PDLIM5: variants seen among roughly 807,000 people sequenced by gnomAD.
The protein encoded by PDLIM5 is PDZ and LIM domain 5.
Under a neutral mutation model 64.2 loss-of-function variants are expected in PDLIM5, and 34 were observed. The ratio of observed to expected loss-of-function variants is 0.53; its 90% CI spans 0.40 to 0.71. The LOEUF (loss-of-function observed/expected upper bound fraction) is 0.71. Ranked by LOEUF, PDLIM5 falls within the 30% of genes least tolerant of loss-of-function variation. PDLIM5 has a pLI of 0.00. For synonymous variants in PDLIM5, 253 were observed against 269.1 expected, an observed-to-expected ratio of 0.94 and a Z score of 0.59; for missense variants, 683 against 733.6, an observed-to-expected ratio of 0.93 and a Z score of 0.80.
In PDLIM5 at chr4:94,665,951, G is replaced by A. The variant is rs1045426214; in HGVS notation, c.*1884G>A. The A allele has an allele frequency of 6.6e-7, 1 of 1,523,674 alleles. No individual in the cohort carries two copies. The highest frequency in any genetic ancestry group is 8.8e-7 in the Non-Finnish European group (1 of 1,140,980). 94.4% of individuals were successfully genotyped at this position (1,523,674 alleles called of 1,614,324 possible). ...ACAGGGAAACAATTGTGGTAAAACT[G>A]TGGATCCTGTTGCTATTTGCCCAGT... On this transcript the variant is annotated 3_prime_UTR_variant, in exon 13 of 13. Transcript: ENST00000317968.
At chr4:94,609,382 C>G (rs1738181338) in intron 7 of PDLIM5, among the ~76,000 whole-genome samples, 1 of 152,072 alleles carries the variant, frequency 6.6e-6, no homozygotes, top group Non-Finnish European at 1.5e-5. Context: ...CATTCCTGTC[C>G]AGGCATTTGA....
chr4:94,617,010 C>G (rs1374659941), intron 7 of PDLIM5, among the ~76,000 whole-genome samples: 3 of 152,206 alleles, frequency 2.0e-5, no homozygotes, highest in Non-Finnish European at 4.4e-5. Flanking sequence ...TCTCGAACTC[C>G]TGACCTCAGG....
chr4:94,657,356 G>T, intron 10 of PDLIM5, 71 bp from the exon 11 acceptor site: 1 of 1,110,228 alleles, frequency 9.0e-7, no homozygotes, highest in East Asian at 2.4e-5. Context: ...TACTGGTACA[G>T]ATATTAGAAT....
At chr4:94,652,616 G>T (rs1323459449) in intron 9 of PDLIM5, among the ~76,000 whole-genome samples, 2 of 152,112 alleles carry the variant, frequency 1.3e-5, no homozygotes, top group East Asian at 3.9e-4. Flanking sequence ...CTTACCAAAA[G>T]TAATATATTC....
intron 11 of PDLIM5, among the ~76,000 whole-genome samples, chr4:94,657,916 G>A (rs1442143195): frequency 6.6e-6 from 1 of 152,128 alleles, no homozygotes; most frequent in African/African-American, 2.4e-5. Flanking sequence ...ATGTTGGCCC[G>A]GCTGGTCTCG....
In PDLIM5 at chr4:94,467,776, C is replaced by T. The variant is rs1724504972; in HGVS notation, c.96+12392C>T. Among the ~76,000 whole-genome samples, 7 of 152,116 alleles carry T rather than the reference C, an allele frequency of 4.6e-5. No individual in the cohort carries two copies. In the South Asian group the frequency reaches 1.4e-3, roughly 32 times the overall value. ...AGGATTTGTTTTTTGTCTTTCCGAC[C>T]CAACAGTTCTACTTCTTTTCTTTAG... On this transcript the variant is annotated intron_variant, in intron 2 of 12. Transcript: ENST00000317968.
chr4:94,656,425 C>T (rs1468217151), intron 10 of PDLIM5, among the ~76,000 whole-genome samples: 2 of 151,958 alleles, frequency 1.3e-5, no homozygotes, highest in African/African-American at 4.8e-5. Context: ...ACCATTGGGC[C>T]ATTGCTGACT....
At chr4:94,564,656 CTTTTTTT>C (rs768721210) in intron 3 of PDLIM5, among the ~76,000 whole-genome samples, 175 of 104,506 alleles carry the variant, frequency 1.7e-3, no homozygotes, top group Non-Finnish European at 2.7e-3. Context: ...AATTTTGTCT[CTTTTTTT>C]TTTTTTTTTT....
chr4:94,593,395 T>C (rs1010868263), intron 7 of PDLIM5, among the ~76,000 whole-genome samples: 2 of 152,146 alleles, frequency 1.3e-5, no homozygotes, highest in African/African-American at 4.8e-5. Flanking sequence ...ATCTCATAGT[T>C]CTGGAGACTG....
At chr4:94,608,080 C>T (rs541667077) in intron 7 of PDLIM5, 19 of 1,532,112 alleles carry the variant, frequency 1.2e-5, no homozygotes, top group Non-Finnish European at 1.7e-5. Flanking sequence ...CTCTGGAAGA[C>T]CTACCTAAGA....
At chr4:94,578,727 A>G (rs1735489741) in intron 5 of PDLIM5, among the ~76,000 whole-genome samples, 2 of 152,160 alleles carry the variant, frequency 1.3e-5, no homozygotes, top group South Asian at 4.1e-4. Flanking sequence ...CAAACTTGTT[A>G]CTATTATATT....
At chr4:94,495,787 G>A (rs1006620664) in intron 2 of PDLIM5, among the ~76,000 whole-genome samples, 5 of 152,172 alleles carry the variant, frequency 3.3e-5, no homozygotes, top group South Asian at 4.1e-4. Flanking sequence ...CTGAACTCAC[G>A]TATGATGTAG....
intron 7 of PDLIM5, among the ~76,000 whole-genome samples, chr4:94,613,731 T>G (rs1344857836): frequency 6.6e-6 from 1 of 152,156 alleles, no homozygotes; most frequent in Admixed American, 6.5e-5. Context: ...ATTTCCTCAT[T>G]AGAATTATTT....
intron 9 of PDLIM5, among the ~76,000 whole-genome samples, chr4:94,646,143 CT>C (rs907458667): frequency 6.6e-6 from 1 of 152,090 alleles, no homozygotes; most frequent in African/African-American, 2.4e-5. Context: ...GCTCTTTTTT[CT>C]TAAGAAGGTT....
intron 11 of PDLIM5, among the ~76,000 whole-genome samples, 190 bp downstream of exon 11, chr4:94,657,737 A>G (rs1182874310): frequency 6.6e-6 from 1 of 151,958 alleles, no homozygotes; most frequent in East Asian, 1.9e-4. Context: ...ACGGAGTCTC[A>G]CCCTTGTTGC....
intron 2 of PDLIM5, among the ~76,000 whole-genome samples, chr4:94,499,592 A>G (rs948831257): frequency 1.3e-5 from 2 of 152,216 alleles, no homozygotes; most frequent in African/African-American, 4.8e-5. Flanking sequence ...TTTAAAGTAT[A>G]TAGGCAGATG....
chr4:94,536,416 G>C (rs1344638349), intron 3 of PDLIM5, among the ~76,000 whole-genome samples: 1 of 152,166 alleles, frequency 6.6e-6, no homozygotes, highest in Admixed American at 6.5e-5. Context: ...GTTTTAAAAT[G>C]AGAAGTACTC....
chr4:94,568,643 T>TC (rs144545233), intron 3 of PDLIM5, among the ~76,000 whole-genome samples: 8,640 of 152,228 alleles, frequency 0.057, 823 homozygotes, highest in African/African-American at 0.2. Flanking sequence ...ATAATTTTTT[T>TC]CCCTCATAAA....
At chr4:94,466,586 A>T (rs1307999489) in intron 2 of PDLIM5, among the ~76,000 whole-genome samples, 1 of 152,166 alleles carries the variant, frequency 6.6e-6, no homozygotes, top group Non-Finnish European at 1.5e-5. Context: ...AAAAAATTTT[A>T]TTATAGAGCT....
Sources: allele counts gnomAD v4.1 joint callset (sites outside exome capture counted in the v4.1 genomes callset), GRCh38; gene constraint gnomAD v4.1.1; transcripts MANE v1.5; gene names NCBI Gene and HGNC (gene_info 2026-07-23, HGNC 2026-07-21).